MTRF1: variants seen among roughly 807,000 people sequenced by gnomAD.
The protein encoded by MTRF1 is peptide chain release factor 1, mitochondrial.
MTRF1 carries 51 observed loss-of-function variants against 62.9 expected under a neutral mutation model. The ratio of observed to expected loss-of-function variants is 0.81; its 90% CI spans 0.65 to 1.02. The LOEUF is 1.02. Among genes scored for constraint, MTRF1 ranks in the 50% least tolerant of loss-of-function variants. The pLI is 0.00. For synonymous variants in MTRF1, 158 were observed against 181.9 expected (o/e 0.87, Z 1.06); for missense variants, 446 against 530.0 (o/e 0.84, Z 1.56).
At chr13:41,290,014 G>A in the MTRF1 span, among the ~76,000 whole-genome samples, 4 of 151,370 alleles carry the variant, frequency 2.6e-5, no homozygotes, top group Admixed American at 6.6e-5. Context: ...GTTGAATCCC[G>A]AAGCACGGAC....
chr13:41,226,101 A>C (rs1831763582), intron 8 of MTRF1, among the ~76,000 whole-genome samples: 2 of 152,236 alleles, frequency 1.3e-5, no homozygotes, highest in African/African-American at 4.8e-5. Context: ...TTTAATTTTT[A>C]GAAATAAAAA....
chr13:41,281,569 A>G, the MTRF1 span, among the ~76,000 whole-genome samples: 1 of 152,034 alleles, frequency 6.6e-6, no homozygotes, highest in Non-Finnish European at 1.5e-5. Context: ...GGCAGTATCT[A>G]TATCTTATGC....
At chr13:41,260,976 A>C in intron 1 of MTRF1, 61 bp from the exon 2 acceptor site, 1 of 1,393,550 alleles carries the variant, frequency 7.2e-7, no homozygotes, top group Non-Finnish European at 9.6e-7. Context: ...ATGCATAATA[A>C]ACCTGGAAGG....
At chr13:41,263,158 T>C (rs1428333754) in intron 1 of MTRF1, 2 of 649,260 alleles carry the variant, frequency 3.1e-6, no homozygotes, top group African/African-American at 1.9e-5. Context: ...CGAATACTTA[T>C]TGCTAAAATT....
the MTRF1 span, among the ~76,000 whole-genome samples, chr13:41,277,226 G>A: frequency 1.3e-5 from 2 of 151,602 alleles, no homozygotes; most frequent in African/African-American, 2.4e-5. Flanking sequence ...TCTGCCCCCA[G>A]GCTCAAGCGA....
At chr13:41,232,145 A>G (rs770281932) in intron 7 of MTRF1, among the ~76,000 whole-genome samples, 8 of 152,148 alleles carry the variant, frequency 5.3e-5, no homozygotes, top group Non-Finnish European at 1.0e-4. Flanking sequence ...ACACTGCAGA[A>G]AGCAGAAGAG....
At chr13:41,298,888 A>G in the MTRF1 span, among the ~76,000 whole-genome samples, 3 of 152,312 alleles carry the variant, frequency 2.0e-5, no homozygotes, top group East Asian at 3.9e-4. Context: ...CTGTCAAAAG[A>G]GAAGGAGGAG....
chr13:41,303,520 A>G, the MTRF1 span, among the ~76,000 whole-genome samples: 1 of 152,212 alleles, frequency 6.6e-6, no homozygotes, highest in African/African-American at 2.4e-5. Context: ...TAGGAGAAGA[A>G]TGAAGACTTG....
At chr13:41,243,232 A>T (rs1347336250) in intron 5 of MTRF1, among the ~76,000 whole-genome samples, 1 of 151,666 alleles carries the variant, frequency 6.6e-6, no homozygotes, top group Middle Eastern at 3.2e-3. Flanking sequence ...ATAAATAAAT[A>T]AAATTAAAAA....
At chr13:41,309,470 G>A in the MTRF1 span, among the ~76,000 whole-genome samples, 12 of 152,032 alleles carry the variant, frequency 7.9e-5, no homozygotes, top group East Asian at 1.9e-4. Context: ...GATTACAGGC[G>A]TGAGTCACTG....
At chr13:41,251,269 C>T (rs1193794570) in intron 5 of MTRF1, among the ~76,000 whole-genome samples, 1 of 152,184 alleles carries the variant, frequency 6.6e-6, no homozygotes. Context: ...CTCTAATAAC[C>T]TCTTTGCAGT....
At chr13:41,268,316 C>T (rs559051171), upstream of MTRF1, among the ~76,000 whole-genome samples, 1 of 152,120 alleles carries the variant, frequency 6.6e-6, no homozygotes, top group Admixed American at 6.5e-5. Context: ...TTTAGGGAAA[C>T]CAATATCTTA....
chr13:41,272,516 A>T, the MTRF1 span, among the ~76,000 whole-genome samples: 1 of 152,206 alleles, frequency 6.6e-6, no homozygotes, highest in Non-Finnish European at 1.5e-5. Context: ...CAACTGAGGT[A>T]GAGTTGGTCA....
At chr13:41,240,744 A>G (rs2037379739) in intron 5 of MTRF1, among the ~76,000 whole-genome samples, 1 of 152,220 alleles carries the variant, frequency 6.6e-6, no homozygotes, top group South Asian at 2.1e-4. Context: ...GGGGAATAGA[A>G]TAATACTTTT....
the MTRF1 span, among the ~76,000 whole-genome samples, chr13:41,303,039 A>T: frequency 2.0e-5 from 3 of 152,192 alleles, no homozygotes; most frequent in Admixed American, 6.5e-5. Flanking sequence ...AAGAGGCTGG[A>T]ATACATACAT....
chr13:41,251,448 T>C (rs2039049894), intron 5 of MTRF1, among the ~76,000 whole-genome samples: 1 of 152,138 alleles, frequency 6.6e-6, no homozygotes, highest in Non-Finnish European at 1.5e-5. Context: ...CACTCAAACC[T>C]ACTTCAGCGA....
the MTRF1 span, among the ~76,000 whole-genome samples, chr13:41,307,649 C>A: frequency 6.6e-6 from 1 of 151,964 alleles, no homozygotes; most frequent in Middle Eastern, 3.2e-3. Context: ...CCTCCTCTTT[C>A]ACTCTATTCC....
intron 7 of MTRF1, 113 bp from the exon 8 acceptor site, chr13:41,226,681 A>G (rs1459420438): frequency 7.9e-7 from 1 of 1,263,346 alleles, no homozygotes; most frequent in African/African-American, 1.5e-5. Flanking sequence ...AAAGATACAA[A>G]CATTTTAGGT....
At chr13:41,287,186 C>T in the MTRF1 span, among the ~76,000 whole-genome samples, 1 of 152,170 alleles carries the variant, frequency 6.6e-6, no homozygotes, top group East Asian at 1.9e-4. Context: ...TTAATTGGCT[C>T]ACGGTTTTGC....
Sources: allele counts gnomAD v4.1 joint callset (sites outside exome capture counted in the v4.1 genomes callset), GRCh38; gene constraint gnomAD v4.1.1; transcripts MANE v1.5; gene names NCBI Gene and HGNC (gene_info 2026-07-23, HGNC 2026-07-21).